ASCC3: variants seen among roughly 807,000 people sequenced by gnomAD.
The protein encoded by ASCC3 is activating signal cointegrator 1 complex subunit 3, also known as ASC-1 complex subunit P200.
In ASCC3, 158 loss-of-function variants were observed where a neutral mutation model predicts 256.3. The ratio of observed to expected loss-of-function variants is 0.62; its 90% CI spans 0.54 to 0.70. The LOEUF is 0.70. Among genes scored for constraint, ASCC3 ranks in the 30% least tolerant of loss-of-function variants. ASCC3 has a pLI of 0.00. For synonymous variants in ASCC3, 948 were observed against 883.4 expected, an observed-to-expected ratio of 1.07 and a Z score of -1.30; for missense variants, 2,259 against 2,626.0, an observed-to-expected ratio of 0.86 and a Z score of 3.05.
intron 24 of ASCC3, among the ~76,000 whole-genome samples, chr6:100,640,201 G>A (rs1289734874): frequency 2.6e-5 from 4 of 152,190 alleles, no homozygotes; most frequent in Admixed American, 6.5e-5. Context: ...AATCAAAGCC[G>A]AGATATGTTC....
chr6:100,685,456 T>TCAG (rs929647322), intron 13 of ASCC3, among the ~76,000 whole-genome samples: 1 of 152,096 alleles, frequency 6.6e-6, no homozygotes, highest in African/African-American at 2.4e-5. Flanking sequence ...ATCAGCAGCA[T>TCAG]CAGCAGCAGC....
intron 30 of ASCC3, among the ~76,000 whole-genome samples, chr6:100,623,851 CAA>C (rs977580254): frequency 4.6e-5 from 7 of 151,554 alleles, no homozygotes; most frequent in Non-Finnish European, 1.0e-4. Context: ...ACATAAAATG[CAA>C]AGTCTTCTAT....
At chr6:100,747,652 C>A (rs1032902887) in intron 10 of ASCC3, among the ~76,000 whole-genome samples, 1 of 152,002 alleles carries the variant, frequency 6.6e-6, no homozygotes, top group Non-Finnish European at 1.5e-5. Flanking sequence ...CTGTGTGACT[C>A]CACATATATA....
At chr6:100,660,559 G>A (rs886651666) in intron 16 of ASCC3, among the ~76,000 whole-genome samples, 1 of 151,488 alleles carries the variant, frequency 6.6e-6, no homozygotes, top group African/African-American at 2.4e-5. Flanking sequence ...TTGTAATTTT[G>A]CTAATAGAAA....
intron 4 of ASCC3, among the ~76,000 whole-genome samples, chr6:100,829,833 GAAT>G (rs1771533183): frequency 6.6e-6 from 1 of 152,080 alleles, no homozygotes; most frequent in South Asian, 2.1e-4. Flanking sequence ...TAATAAAATA[GAAT>G]AATTATAATA....
intron 18 of ASCC3, among the ~76,000 whole-genome samples, chr6:100,652,439 G>A (rs1299506336): frequency 1.3e-5 from 2 of 152,010 alleles, no homozygotes; most frequent in East Asian, 3.9e-4. Flanking sequence ...AAGCACATGA[G>A]GTGTTTTCTG....
intron 27 of ASCC3, among the ~76,000 whole-genome samples, chr6:100,628,452 T>C (rs898004061): frequency 6.6e-6 from 1 of 152,170 alleles, no homozygotes; most frequent in Non-Finnish European, 1.5e-5. Flanking sequence ...TGGGGCCTGG[T>C]AGGAGGTGAT....
At chr6:100,767,053 T>TG (rs1196292558) in intron 9 of ASCC3, 92 bp downstream of exon 9, 52 of 1,287,684 alleles carry the variant, frequency 4.0e-5, no homozygotes, top group South Asian at 1.5e-4. Context: ...TACAATATCT[T>TG]TAAGAACTTT....
chr6:100,648,429 T>C (rs1775496580), intron 20 of ASCC3, among the ~76,000 whole-genome samples: 1 of 152,082 alleles, frequency 6.6e-6, no homozygotes, highest in African/African-American at 2.4e-5. Context: ...ACTGAAAAGA[T>C]TTCAAATGGC....
intron 13 of ASCC3, among the ~76,000 whole-genome samples, chr6:100,708,811 C>T (rs992061867): frequency 2.4e-4 from 37 of 151,884 alleles, no homozygotes; most frequent in African/African-American, 8.5e-4. Flanking sequence ...GCTAAAAGAC[C>T]ACAGTGTCAC....
At chr6:100,557,487 A>C (rs72939355) in intron 36 of ASCC3, among the ~76,000 whole-genome samples, 11,239 of 152,194 alleles carry the variant, frequency 0.074, 618 homozygotes, top group African/African-American at 0.15. Context: ...TCATTATAAT[A>C]AAACGTTTGC....
chr6:100,687,907 CAT>C (rs1210527675), intron 13 of ASCC3, among the ~76,000 whole-genome samples: 3 of 151,182 alleles, frequency 2.0e-5, no homozygotes, highest in Non-Finnish European at 4.4e-5. Context: ...TAGAAATGGA[CAT>C]GTGGACAAAA....
At chr6:100,764,020 T>C (rs1781532810) in intron 10 of ASCC3, among the ~76,000 whole-genome samples, 1 of 152,236 alleles carries the variant, frequency 6.6e-6, no homozygotes, top group African/African-American at 2.4e-5. Context: ...GTAGGGTTCT[T>C]GTGAAGACTC....
rs1554209193 is a variant in ASCC3 at position 100,655,755 on chromosome 6, A to G, written c.2767T>C (p.Tyr923His). Residue 923 changes from tyrosine (Y) to histidine (H), a missense_variant, in exon 17 of 42, where the codon TAT becomes CAT. By Grantham distance (83) the Tyr-to-His change is moderately conservative. Around this residue, in one of 2 missense-constraint regions of ASCC3, gnomAD observed 1,839 missense variants for 2,206.7 expected, o/e 0.83. Coordinates refer to ENST00000369162, the MANE Select transcript of ASCC3 (RefSeq NM_006828.4). ...AATGGATTTGCTCTCATCCGTACAT[A>G]AAGATAAGTGTAACTTATCCACTTC... ...AVKWISYTYL[Y>H]VRMRANPLAY... is the part of the protein sequence containing the mutation. 1 of 1,611,778 alleles carries G rather than the reference A, an allele frequency of 6.2e-7. No homozygotes were observed. The highest frequency in any genetic ancestry group is 1.3e-5 in the African/African-American group (1 of 74,982).
chr6:100,512,400 G>A (rs75101853), intron 40 of ASCC3, among the ~76,000 whole-genome samples: 1 of 152,156 alleles, frequency 6.6e-6, no homozygotes, highest in Non-Finnish European at 1.5e-5. Context: ...AGCCAGTCTG[G>A]AGTGGGGCCA....
chr6:100,733,097 A>ATT (rs1346595447), intron 10 of ASCC3, among the ~76,000 whole-genome samples: 1 of 152,236 alleles, frequency 6.6e-6, no homozygotes, highest in Non-Finnish European at 1.5e-5. Flanking sequence ...ATAATATGTG[A>ATT]TTATATATAA....
intron 37 of ASCC3, among the ~76,000 whole-genome samples, chr6:100,535,609 C>T (rs939775301): frequency 1.3e-5 from 2 of 151,786 alleles, no homozygotes; most frequent in African/African-American, 2.4e-5. Flanking sequence ...GCTGGGATTA[C>T]AGGCGCCCAC....
chr6:100,770,787 T>C (rs190049734), intron 8 of ASCC3, among the ~76,000 whole-genome samples: 3 of 151,920 alleles, frequency 2.0e-5, no homozygotes, highest in Admixed American at 6.6e-5. Context: ...GGGAAAGACC[T>C]GTACACTGAA....
intron 1 of ASCC3, among the ~76,000 whole-genome samples, chr6:100,875,948 T>C (rs562112554): frequency 6.6e-6 from 1 of 152,170 alleles, no homozygotes; most frequent in East Asian, 1.9e-4. Flanking sequence ...AAGTAGGAAA[T>C]ACTGAAATAA....
Sources: gnomAD v4.1 joint callset for allele counts (sites outside exome capture counted in the v4.1 genomes callset) on GRCh38, gnomAD v4.1.1 for gene constraint, gnomAD v4.1.1 regional missense constraint, MANE v1.5 for transcripts, NCBI Gene and HGNC (gene_info 2026-07-23, HGNC 2026-07-21) for gene names.